SH3GL2: variants seen among roughly 807,000 people sequenced by gnomAD.
SH3GL2 encodes the protein endophilin-A1.
Under a neutral mutation model 46.0 loss-of-function variants are expected in SH3GL2, and 24 were observed. That is an observed-to-expected ratio of 0.52 (90% CI 0.38 to 0.73). The LOEUF (loss-of-function observed/expected upper bound fraction) is 0.73. Ranked by LOEUF, SH3GL2 falls within the 30% of genes least tolerant of loss-of-function variation. The pLI, the probability that SH3GL2 is intolerant of heterozygous loss-of-function variation, is 0.00. For missense variants in SH3GL2, 413 were observed against 424.2 expected, an observed-to-expected ratio of 0.97 and a Z score of 0.23; for synonymous variants, 196 against 147.1, an observed-to-expected ratio of 1.33 and a Z score of -2.40.
intron 1 of SH3GL2, among the ~76,000 whole-genome samples, chr9:17,711,865 GT>G (rs972936628): frequency 6.6e-6 from 1 of 151,774 alleles, no homozygotes; most frequent in Non-Finnish European, 1.5e-5. Flanking sequence ...GTAGATGTAT[GT>G]TTAACTTTTA....
intron 1 of SH3GL2, among the ~76,000 whole-genome samples, chr9:17,581,509 A>T (rs547946328): frequency 6.6e-5 from 10 of 152,348 alleles, no homozygotes; most frequent in African/African-American, 2.2e-4. Flanking sequence ...TTAGGAGAGT[A>T]TGTAAAGCCC....
chr9:17,794,081 G>A (rs1300173014), intron 8 of SH3GL2, among the ~76,000 whole-genome samples: 1 of 152,220 alleles, frequency 6.6e-6, no homozygotes, highest in East Asian at 1.9e-4. Context: ...TTATCATGCT[G>A]TGGCACTGGG....
At chr9:17,586,483 A>G (rs1409601623) in intron 1 of SH3GL2, among the ~76,000 whole-genome samples, 1 of 152,196 alleles carries the variant, frequency 6.6e-6, no homozygotes, top group Non-Finnish European at 1.5e-5. Flanking sequence ...TCTCAATATC[A>G]AGCTATGTAT....
chr9:17,603,057 T>A (rs1406754483), intron 1 of SH3GL2, among the ~76,000 whole-genome samples: 2 of 152,254 alleles, frequency 1.3e-5, no homozygotes, highest in South Asian at 2.1e-4. Flanking sequence ...TCTGTGGGAC[T>A]GATTCTGAGG....
chr9:17,678,711 C>A (rs1306232160), intron 1 of SH3GL2, among the ~76,000 whole-genome samples: 1 of 152,132 alleles, frequency 6.6e-6, no homozygotes, highest in Non-Finnish European at 1.5e-5. Flanking sequence ...TTGCCCATGC[C>A]CATGTCCTGA....
intron 1 of SH3GL2, among the ~76,000 whole-genome samples, chr9:17,729,949 T>C (rs1049301256): frequency 1.3e-5 from 2 of 150,628 alleles, no homozygotes; most frequent in African/African-American, 4.9e-5. Flanking sequence ...ACGGGCTCTT[T>C]TTTTGGTTCC....
rs7021836 is a variant in SH3GL2 at position 17,669,211 on chromosome 9, G to C, written c.46-77855G>C. Among the ~76,000 whole-genome samples the C allele has an allele frequency of 2.1e-4, 32 of 152,118 alleles. No individual in the cohort carries two copies. The East Asian group carries it at 4.8e-3, about 23-fold the overall frequency. ...CCCCAGTGGTAACATCTTGAAAAAC[G>C]GTAGTATGGTATCAAAACCAGGATA... is the stretch of plus-strand genomic sequence containing the variant. On this transcript the variant is annotated intron_variant, in intron 1 of 8. Coordinates refer to ENST00000380607, the MANE Select transcript of SH3GL2 (RefSeq NM_003026.5).
At chr9:17,697,927 T>C (rs1821249032) in intron 1 of SH3GL2, among the ~76,000 whole-genome samples, 1 of 152,238 alleles carries the variant, frequency 6.6e-6, no homozygotes, top group Admixed American at 6.5e-5. Flanking sequence ...GCATTGAATC[T>C]CTGGGAGCTA....
At chr9:17,743,591 C>CACACACACACACAT (rs1487843696) in intron 1 of SH3GL2, among the ~76,000 whole-genome samples, 3 of 151,676 alleles carry the variant, frequency 2.0e-5, no homozygotes, top group Non-Finnish European at 2.9e-5. Flanking sequence ...CACACACACA[C>CACACACACACACAT]ACACACACAC....
At chr9:17,607,260 G>T (rs1402363589) in intron 1 of SH3GL2, among the ~76,000 whole-genome samples, 2 of 152,190 alleles carry the variant, frequency 1.3e-5, no homozygotes, top group African/African-American at 4.8e-5. Context: ...CCAAGGTAAT[G>T]AACCTGTACA....
rs1244879103 is a variant in SH3GL2, at chr9:17,579,141, C to T, written c.-102C>T. The stretch of plus-strand genomic sequence containing the variant: ...CGCGCCCATAGCCCCGGCGGCGGCA[C>T]GACCAGAGGCGGCCAGGGGAGCGCG... On this transcript the variant is annotated 5_prime_UTR_variant, in exon 1 of 9. In the 5' UTR this introduces an upstream ATG that the reference lacks. Coordinates refer to ENST00000380607, the MANE Select transcript of SH3GL2 (RefSeq NM_003026.5). The T allele has an allele frequency of 1.3e-5, 10 of 759,688 alleles. No homozygotes were observed. Among genetic ancestry groups the T allele is most frequent in the Non-Finnish European group, 1.9e-5 (10 of 516,892 alleles). 47.1% of individuals were successfully genotyped at this position (759,688 alleles called of 1,614,324 possible). A position where few individuals can be genotyped will look rare whatever the true frequency, so the allele number is the denominator to read the frequency against.
At chr9:17,673,749 C>T (rs1185468427) in intron 1 of SH3GL2, among the ~76,000 whole-genome samples, 1 of 152,206 alleles carries the variant, frequency 6.6e-6, no homozygotes, top group Non-Finnish European at 1.5e-5. Context: ...ACACCCTCAC[C>T]TGTGATTGTG....
chr9:17,658,653 A>G (rs1252902547), intron 1 of SH3GL2, among the ~76,000 whole-genome samples: 2 of 152,246 alleles, frequency 1.3e-5, no homozygotes, highest in African/African-American at 2.4e-5. Flanking sequence ...TTTAAGCTGC[A>G]TTTGCATAGC....
At chr9:17,689,153 T>G (rs899258694) in intron 1 of SH3GL2, among the ~76,000 whole-genome samples, 1 of 152,066 alleles carries the variant, frequency 6.6e-6, no homozygotes, top group African/African-American at 2.4e-5. Flanking sequence ...AACTCCCACC[T>G]CTAGTCTCAT....
intron 1 of SH3GL2, among the ~76,000 whole-genome samples, chr9:17,665,021 A>C (rs1820308669): frequency 6.6e-6 from 1 of 152,110 alleles, no homozygotes. Flanking sequence ...GTAGTGTGAG[A>C]TACTTCCATG....
At chr9:17,675,944 C>CAAAAAAAT (rs1820597558) in intron 1 of SH3GL2, among the ~76,000 whole-genome samples, 1 of 151,570 alleles carries the variant, frequency 6.6e-6, no homozygotes, top group Middle Eastern at 3.2e-3. Flanking sequence ...GACTCCGTCT[C>CAAAAAAAT]AAAAAAATAA....
At chr9:17,608,614 T>C (rs1164197367) in intron 1 of SH3GL2, among the ~76,000 whole-genome samples, 2 of 152,210 alleles carry the variant, frequency 1.3e-5, no homozygotes, top group East Asian at 3.8e-4. Context: ...TTTGACATTC[T>C]CTAGGCAAAG....
chr9:17,600,612 C>T (rs1234113380), intron 1 of SH3GL2, among the ~76,000 whole-genome samples: 1 of 152,158 alleles, frequency 6.6e-6, no homozygotes, highest in Admixed American at 6.5e-5. Context: ...TTTAAGGTAT[C>T]TGTTGCTCTT....
intron 1 of SH3GL2, among the ~76,000 whole-genome samples, chr9:17,623,653 A>G (rs1819209603): frequency 6.6e-6 from 1 of 151,838 alleles, no homozygotes; most frequent in Admixed American, 6.6e-5. Flanking sequence ...ATACCTGTCC[A>G]TTTATTTATC....
Sources: allele counts gnomAD v4.1 joint callset (sites outside exome capture counted in the v4.1 genomes callset), GRCh38; gene constraint gnomAD v4.1.1; transcripts MANE v1.5; gene names NCBI Gene and HGNC (gene_info 2026-07-23, HGNC 2026-07-21).